RNLS: variants seen among roughly 807,000 people sequenced by gnomAD.
The protein encoded by RNLS is renalase, FAD dependent amine oxidase.
Under a neutral mutation model 39.8 loss-of-function variants are expected in RNLS, and 39 were observed. The observed-to-expected ratio is 0.98, with a 90% CI of 0.76 to 1.28. The LOEUF is 1.28. Ranked by LOEUF, RNLS falls within the 50% of genes most tolerant of loss-of-function variation. RNLS has a pLI of 0.00. For synonymous variants in RNLS, 147 were observed against 150.7 expected (o/e 0.98, Z 0.18); for missense variants, 410 against 413.3 (o/e 0.99, Z 0.07).
At chr10:88,371,819 G>A (rs554056376) in intron 4 of RNLS, among the ~76,000 whole-genome samples, 1 of 152,036 alleles carries the variant, frequency 6.6e-6, no homozygotes, top group Non-Finnish European at 1.5e-5. Context: ...TGAATACACC[G>A]TCTAACAGGT....
chr10:88,381,865 T>G (rs1404812132), intron 4 of RNLS, among the ~76,000 whole-genome samples: 1 of 149,868 alleles, frequency 6.7e-6, no homozygotes, highest in Admixed American at 6.7e-5. Flanking sequence ...GATATAATGG[T>G]CTTTAAATTT....
At chr10:88,524,322 A>G (rs1846947470) in intron 4 of RNLS, among the ~76,000 whole-genome samples, 1 of 152,102 alleles carries the variant, frequency 6.6e-6, no homozygotes, top group Admixed American at 6.6e-5. Flanking sequence ...TTGGAGCCCA[A>G]TTCAGCAACA....
At chr10:88,378,833 G>A (rs1159496229) in intron 4 of RNLS, among the ~76,000 whole-genome samples, 1 of 152,118 alleles carries the variant, frequency 6.6e-6, no homozygotes, top group Non-Finnish European at 1.5e-5. Flanking sequence ...TAATAAATTT[G>A]TATTTGCCTT....
At chr10:88,582,755 C>T (rs1296933724) in intron 1 of RNLS, among the ~76,000 whole-genome samples, 2 of 152,238 alleles carry the variant, frequency 1.3e-5, no homozygotes. Flanking sequence ...CAGCAGTAGG[C>T]CCAAGCTTTG....
the RNLS span, among the ~76,000 whole-genome samples, chr10:88,203,264 GTA>G: frequency 3.9e-4 from 2 of 5,086 alleles, no homozygotes; most frequent in East Asian, 3.2e-3. Flanking sequence ...GTGTGTGTGT[GTA>G]TGTATATATA....
At chr10:88,477,481 T>C (rs957031285) in intron 4 of RNLS, among the ~76,000 whole-genome samples, 4 of 152,048 alleles carry the variant, frequency 2.6e-5, no homozygotes, top group African/African-American at 7.2e-5. Context: ...GGGAAGAGGA[T>C]GATGGTGACA....
intron 4 of RNLS, among the ~76,000 whole-genome samples, chr10:88,467,151 T>C (rs906922932): frequency 2.0e-5 from 3 of 152,102 alleles, no homozygotes; most frequent in African/African-American, 7.2e-5. Flanking sequence ...CATTATTTCA[T>C]TTTGTTGGGC....
intron 4 of RNLS, among the ~76,000 whole-genome samples, chr10:88,550,610 C>T (rs977602538): frequency 6.6e-6 from 1 of 152,102 alleles, no homozygotes; most frequent in African/African-American, 2.4e-5. Flanking sequence ...GTTTCCTCCC[C>T]CAAAATCTAA....
intron 4 of RNLS, among the ~76,000 whole-genome samples, chr10:88,443,608 T>A (rs913204057): frequency 5.9e-5 from 9 of 152,204 alleles, no homozygotes; most frequent in Non-Finnish European, 1.3e-4. Flanking sequence ...ATCAGGTCAC[T>A]CCCACCCTAA....
chr10:88,334,956 A>T (rs895783180), intron 5 of RNLS, among the ~76,000 whole-genome samples: 1 of 152,234 alleles, frequency 6.6e-6, no homozygotes, highest in African/African-American at 2.4e-5. Flanking sequence ...GTAGTTAATT[A>T]ACAAATTAAT....
At chr10:88,566,059 T>A (rs1038510573) in intron 4 of RNLS, among the ~76,000 whole-genome samples, 17 of 152,128 alleles carry the variant, frequency 1.1e-4, no homozygotes, top group African/African-American at 3.6e-4. Context: ...TATCATTTTT[T>A]ATAATAAGAG....
At chr10:88,199,329 T>A in the RNLS span, among the ~76,000 whole-genome samples, 4 of 152,176 alleles carry the variant, frequency 2.6e-5, no homozygotes, top group Admixed American at 2.6e-4. Context: ...TGTGTAACTC[T>A]ACATCAGATA....
At chr10:88,582,087 T>G in intron 2 of RNLS, 115 bp downstream of exon 2, 1 of 769,398 alleles carries the variant, frequency 1.3e-6, no homozygotes, top group South Asian at 2.2e-5. Context: ...AACATAGCAA[T>G]TGATATTTAT....
the RNLS span, among the ~76,000 whole-genome samples, chr10:88,196,916 G>T: frequency 6.6e-6 from 1 of 152,098 alleles, no homozygotes; most frequent in Non-Finnish European, 1.5e-5. Flanking sequence ...AATTTTTCTA[G>T]CCCTTTCCAA....
At chr10:88,512,606 G>A (rs578038862) in intron 4 of RNLS, among the ~76,000 whole-genome samples, 1 of 152,210 alleles carries the variant, frequency 6.6e-6, no homozygotes, top group South Asian at 2.1e-4. Flanking sequence ...CTAAGTATCT[G>A]TAAGACAGAG....
intron 4 of RNLS, among the ~76,000 whole-genome samples, chr10:88,424,350 G>T (rs1361716879): frequency 1.3e-5 from 2 of 152,162 alleles, no homozygotes; most frequent in African/African-American, 4.8e-5. Context: ...AAAACTGGAA[G>T]TTCAACACTG....
rs532625452 is a variant in RNLS at position 88,415,740 on chromosome 10, CTCAG to C, written c.527-53019_527-53016del. 3.6e-3 allele frequency among the ~76,000 whole-genome samples: 542 copies of C among 152,306 alleles called. 3 individuals are homozygous for C. The highest frequency in any genetic ancestry group is 0.012 in the African/African-American group (516 of 41,568). ...AATAGTATTTGGCACACAGTAAGTACTCAGTCAGTGTTAGCCATCACACTGTAAA... is the reference window on the plus strand; with the variant it reads ...AATAGTATTTGGCACACAGTAAGTACTCAGTGTTAGCCATCACACTGTAAA... On this transcript the variant is annotated intron_variant, in intron 4 of 6. Coordinates refer to ENST00000331772, the MANE Select transcript of RNLS (RefSeq NM_001031709.3).
At chr10:88,200,051 C>A in the RNLS span, among the ~76,000 whole-genome samples, 1 of 152,160 alleles carries the variant, frequency 6.6e-6, no homozygotes, top group East Asian at 1.9e-4. Context: ...ATTACTTGAG[C>A]CTGGGAGGTC....
At chr10:88,199,556 C>T in the RNLS span, among the ~76,000 whole-genome samples, 2 of 152,146 alleles carry the variant, frequency 1.3e-5, no homozygotes, top group East Asian at 1.9e-4. Flanking sequence ...GGAAGGCCAG[C>T]GGTACTGCAG....
Sources: allele counts gnomAD v4.1 joint callset (sites outside exome capture counted in the v4.1 genomes callset), GRCh38; gene constraint gnomAD v4.1.1; transcripts MANE v1.5; gene names NCBI Gene and HGNC (gene_info 2026-07-23, HGNC 2026-07-21).